The following FSTL4 variants were observed in gnomAD, a reference collection of about 807,000 sequenced individuals.
FSTL4 encodes the protein follistatin-related protein 4.
A neutral mutation model predicts 78.2 loss-of-function variants in FSTL4; 28 were observed. The ratio of observed to expected loss-of-function variants is 0.36; its 90% CI spans 0.27 to 0.49. The LOEUF (loss-of-function observed/expected upper bound fraction) is 0.49. Among genes scored for constraint, FSTL4 ranks in the 20% least tolerant of loss-of-function variants. The probability of loss-of-function intolerance (pLI) is 0.98; values close to 1 mark genes in which losing one functional copy is unlikely to be tolerated. For missense variants in FSTL4, 922 were observed against 1,084.9 expected (o/e 0.85, Z 2.11); for synonymous variants, 422 against 440.5 (o/e 0.96, Z 0.53).
intron 3 of FSTL4, among the ~76,000 whole-genome samples, chr5:133,465,712 C>T (rs982248248): frequency 6.6e-6 from 1 of 152,218 alleles, no homozygotes; most frequent in African/African-American, 2.4e-5. Flanking sequence ...AGTGGCAGCA[C>T]AGCTGCAGGT....
At position 133,225,510 on chromosome 5, in the gene FSTL4, C is replaced by T; in HGVS notation, c.1177+148G>A. 1.2e-6 allele frequency: 1 copy of T among 860,458 alleles called. No homozygotes were observed. Among genetic ancestry groups the T allele is most frequent in the Non-Finnish European group, 1.8e-6 (1 of 546,442 alleles). 53.3% of individuals were successfully genotyped at this position (860,458 alleles called of 1,614,324 possible). On this transcript the variant is annotated intron_variant, in intron 9 of 15. Coordinates refer to ENST00000265342, the MANE Select transcript of FSTL4 (RefSeq NM_015082.2). The surrounding 1 kb of genome is among the most constrained non-coding windows in gnomAD (Gnocchi z 4.6). ...GAAAGCCCCAAAAGATCTGTGTGAG[C>T]CCAGATAACAGGGAAATTTGGGAGC...
the FSTL4 span, among the ~76,000 whole-genome samples, chr5:133,717,406 T>C: frequency 1.3e-5 from 2 of 152,268 alleles, no homozygotes; most frequent in Non-Finnish European, 2.9e-5. Context: ...GGTACTATTT[T>C]GTTTTTTAGA....
chr5:133,566,811 T>C (rs193169365), intron 3 of FSTL4, among the ~76,000 whole-genome samples: 4 of 152,376 alleles, frequency 2.6e-5, no homozygotes, highest in Middle Eastern at 3.4e-3. Context: ...TTCCCAGATA[T>C]TGAAATACCA....
chr5:133,347,128 C>A (rs999249302), intron 4 of FSTL4, among the ~76,000 whole-genome samples: 1 of 152,132 alleles, frequency 6.6e-6, no homozygotes, highest in Admixed American at 6.5e-5. Context: ...AAATGTCTCA[C>A]GATCCCCGTT....
intron 2 of FSTL4, among the ~76,000 whole-genome samples, chr5:133,575,597 T>C (rs943277951): frequency 2.0e-5 from 3 of 152,176 alleles, no homozygotes; most frequent in Non-Finnish European, 4.4e-5. Context: ...TTCAACGGCT[T>C]CCTCAATTAT....
intron 4 of FSTL4, among the ~76,000 whole-genome samples, chr5:133,348,259 A>G (rs1754743136): frequency 6.6e-6 from 1 of 152,260 alleles, no homozygotes; most frequent in South Asian, 2.1e-4. Flanking sequence ...CTGAAGCTGC[A>G]AAATCTTAGC....
chr5:133,790,644 C>T, the FSTL4 span, among the ~76,000 whole-genome samples: 1 of 152,180 alleles, frequency 6.6e-6, no homozygotes, highest in Non-Finnish European at 1.5e-5. Context: ...CAACAGGCAT[C>T]TCAGGATCAT....
At chr5:133,301,101 G>A (rs767801366) in intron 6 of FSTL4, among the ~76,000 whole-genome samples, 3 of 152,144 alleles carry the variant, frequency 2.0e-5, no homozygotes, top group Non-Finnish European at 4.4e-5. Context: ...GCCATCTGCC[G>A]CAGCACAGGT....
chr5:133,227,373 A>G (rs547018937), intron 8 of FSTL4, among the ~76,000 whole-genome samples: 32 of 152,200 alleles, frequency 2.1e-4, no homozygotes, highest in African/African-American at 6.7e-4. Context: ...CTCTTCTCTG[A>G]CCCGTTTGAT....
intron 6 of FSTL4, among the ~76,000 whole-genome samples, chr5:133,284,674 A>C (rs558256311): frequency 6.6e-6 from 1 of 152,288 alleles, no homozygotes; most frequent in African/African-American, 2.4e-5. Flanking sequence ...ACCCTCCTGG[A>C]GAAGATTCAG....
At chr5:133,727,865 G>T in the FSTL4 span, among the ~76,000 whole-genome samples, 62 of 152,314 alleles carry the variant, frequency 4.1e-4, 1 homozygote, top group African/African-American at 1.3e-3. Flanking sequence ...CCAAGAGCAC[G>T]AGGGCTGTTG....
intron 4 of FSTL4, among the ~76,000 whole-genome samples, chr5:133,397,504 A>G (rs1756088680): frequency 6.6e-6 from 1 of 152,236 alleles, no homozygotes; most frequent in South Asian, 2.1e-4. Flanking sequence ...TTTTATATTC[A>G]CAAGGAATCC....
At chr5:133,647,374 G>A in the FSTL4 span, among the ~76,000 whole-genome samples, 29,659 of 152,108 alleles carry the variant, frequency 0.19, 2,996 homozygotes, top group Middle Eastern at 0.41. Flanking sequence ...ATGAGAAAGT[G>A]GCCCTGAGAA....
At chr5:133,532,806 TG>T (rs1402094099) in intron 3 of FSTL4, among the ~76,000 whole-genome samples, 1 of 152,192 alleles carries the variant, frequency 6.6e-6, no homozygotes, top group East Asian at 1.9e-4. Context: ...ACAGATGGGC[TG>T]GCCAGCCAGA....
chr5:133,375,189 C>G (rs1002764001), intron 4 of FSTL4, among the ~76,000 whole-genome samples: 1 of 150,202 alleles, frequency 6.7e-6, no homozygotes, highest in African/African-American at 2.4e-5. Context: ...CCATTACCTG[C>G]TGTTTTCCAA....
chr5:133,487,444 G>A (rs1758160230), intron 3 of FSTL4, among the ~76,000 whole-genome samples: 1 of 152,174 alleles, frequency 6.6e-6, no homozygotes, highest in Non-Finnish European at 1.5e-5. Context: ...GTCCCTGCAT[G>A]TGCAATGGCA....
chr5:133,233,354 T>G (rs1278000450), intron 8 of FSTL4, 63 bp downstream of exon 8: 1 of 1,583,518 alleles, frequency 6.3e-7, no homozygotes, highest in South Asian at 1.1e-5. Context: ...GGGGCGAGGG[T>G]TGATCTGAGC....
chr5:133,806,412 C>T, the FSTL4 span, among the ~76,000 whole-genome samples: 1 of 152,144 alleles, frequency 6.6e-6, no homozygotes, highest in East Asian at 1.9e-4. Context: ...TCTTTTATCA[C>T]CTTGCAAATG....
intron 15 of FSTL4, 28 bp downstream of exon 15, chr5:133,201,905 C>T (rs1331187656): frequency 3.0e-6 from 4 of 1,350,796 alleles, no homozygotes; most frequent in East Asian, 4.6e-5. Context: ...GCGGGGAGTG[C>T]CTTAGAGGCA....
Sources: allele counts gnomAD v4.1 joint callset (sites outside exome capture counted in the v4.1 genomes callset), GRCh38; gene constraint gnomAD v4.1.1; non-coding constraint Gnocchi (gnomAD v3.1); transcripts MANE v1.5; gene names NCBI Gene and HGNC (gene_info 2026-07-23, HGNC 2026-07-21).